The following AGBL4 variants were observed in gnomAD, a reference collection of about 807,000 sequenced individuals.
The protein encoded by AGBL4 is cytosolic carboxypeptidase 6.
In AGBL4, 58 loss-of-function variants were observed where a neutral mutation model predicts 66.4. The ratio of observed to expected loss-of-function variants is 0.87; its 90% CI spans 0.71 to 1.09. The LOEUF is 1.09. Ranked by LOEUF, AGBL4 falls within the 50% of genes least tolerant of loss-of-function variation. AGBL4 has a pLI of 0.00. For missense variants in AGBL4, 579 were observed against 631.0 expected, an observed-to-expected ratio of 0.92 and a Z score of 0.88; for synonymous variants, 234 against 222.9, an observed-to-expected ratio of 1.05 and a Z score of -0.44.
At chr1:48,628,974 G>A (rs1231972775) in intron 9 of AGBL4, among the ~76,000 whole-genome samples, 1 of 151,972 alleles carries the variant, frequency 6.6e-6, no homozygotes, top group Non-Finnish European at 1.5e-5. Flanking sequence ...TCCCGACTGG[G>A]ACTCTGCCCT....
intron 5 of AGBL4, among the ~76,000 whole-genome samples, chr1:48,951,782 G>T (rs1222544310): frequency 6.6e-6 from 1 of 152,164 alleles, no homozygotes; most frequent in Non-Finnish European, 1.5e-5. Context: ...AGCCTGAACT[G>T]ACTACAACAT....
chr1:49,857,989 A>G (rs1646475653), intron 1 of AGBL4, among the ~76,000 whole-genome samples: 1 of 152,136 alleles, frequency 6.6e-6, no homozygotes, highest in East Asian at 1.9e-4. Context: ...TCTCTAGAAT[A>G]TACAAAGAAC....
chr1:48,754,747 C>CA (rs1238956791), intron 6 of AGBL4, among the ~76,000 whole-genome samples: 2 of 152,090 alleles, frequency 1.3e-5, no homozygotes, highest in Non-Finnish European at 2.9e-5. Context: ...AGATCACAGA[C>CA]AAGGAAAGTT....
chr1:49,922,461 C>T (rs950078203), intron 1 of AGBL4, among the ~76,000 whole-genome samples: 10 of 152,036 alleles, frequency 6.6e-5, no homozygotes, highest in Non-Finnish European at 1.0e-4. Flanking sequence ...CCAGGGCAAT[C>T]GGGAGAGAGA....
chr1:48,990,068 GCC>G (rs1660489453), intron 5 of AGBL4, among the ~76,000 whole-genome samples: 2 of 152,202 alleles, frequency 1.3e-5, no homozygotes, highest in South Asian at 4.2e-4. Flanking sequence ...TTGGATATAA[GCC>G]ATTCTAGCGG....
chr1:49,454,111 A>C (rs986817354), intron 3 of AGBL4, among the ~76,000 whole-genome samples: 1 of 151,834 alleles, frequency 6.6e-6, no homozygotes, highest in African/African-American at 2.4e-5. Flanking sequence ...GAAATTCAGG[A>C]GATGGAATTT....
chr1:48,626,692 CA>C (rs1645508253), intron 9 of AGBL4, among the ~76,000 whole-genome samples: 1 of 151,670 alleles, frequency 6.6e-6, no homozygotes, highest in African/African-American at 2.4e-5. Flanking sequence ...GTGGTTCAGC[CA>C]CCCTGGCAGA....
At chr1:48,740,440 T>C (rs898859999) in intron 6 of AGBL4, among the ~76,000 whole-genome samples, 3 of 152,220 alleles carry the variant, frequency 2.0e-5, no homozygotes, top group African/African-American at 7.2e-5. Context: ...AATTTGATGG[T>C]CTTTGCAGCT....
chr1:49,031,677 G>A (rs1313967214), intron 5 of AGBL4, among the ~76,000 whole-genome samples: 1 of 152,094 alleles, frequency 6.6e-6, no homozygotes, highest in Non-Finnish European at 1.5e-5. Flanking sequence ...TTAGTCATAA[G>A]GGGGAAAAGG....
intron 1 of AGBL4, among the ~76,000 whole-genome samples, chr1:49,877,029 A>G (rs1647032131): frequency 6.6e-6 from 1 of 151,854 alleles, no homozygotes; most frequent in Non-Finnish European, 1.5e-5. Flanking sequence ...ACTTTGCTGA[A>G]GTTGATTATC....
chr1:49,640,922 T>C (rs1333203246), intron 3 of AGBL4, among the ~76,000 whole-genome samples: 3 of 152,136 alleles, frequency 2.0e-5, no homozygotes, highest in Non-Finnish European at 4.4e-5. Context: ...TTAAATTGTA[T>C]AGCATGACAT....
chr1:49,105,777 G>C (rs987926166), intron 4 of AGBL4, among the ~76,000 whole-genome samples: 1 of 152,088 alleles, frequency 6.6e-6, no homozygotes, highest in Non-Finnish European at 1.5e-5. Flanking sequence ...ATTAATCTGA[G>C]GATAAAATGT....
intron 3 of AGBL4, among the ~76,000 whole-genome samples, chr1:49,399,163 T>C (rs1322187259): frequency 6.6e-6 from 1 of 152,186 alleles, no homozygotes; most frequent in Non-Finnish European, 1.5e-5. Flanking sequence ...TTCATGTTGT[T>C]GCAAATTACA....
chr1:49,652,643 G>A (rs974548613), intron 3 of AGBL4, among the ~76,000 whole-genome samples: 1 of 152,150 alleles, frequency 6.6e-6, no homozygotes, highest in Non-Finnish European at 1.5e-5. Context: ...GTTTTCCCCT[G>A]CTGCCAGTGC....
At chr1:49,581,055 A>C (rs1644532671) in intron 3 of AGBL4, among the ~76,000 whole-genome samples, 1 of 151,918 alleles carries the variant, frequency 6.6e-6, no homozygotes, top group African/African-American at 2.4e-5. Context: ...TTTTTTCTTT[A>C]TATTTTGCCT....
chr1:49,742,108 A>G (rs1332473242), intron 2 of AGBL4, among the ~76,000 whole-genome samples: 1 of 152,186 alleles, frequency 6.6e-6, no homozygotes, highest in Non-Finnish European at 1.5e-5. Context: ...AGGAAGTCAA[A>G]TTATCCCTGT....
chr1:49,462,454 T>C (rs1317660633), intron 3 of AGBL4, among the ~76,000 whole-genome samples: 1 of 151,658 alleles, frequency 6.6e-6, no homozygotes, highest in Non-Finnish European at 1.5e-5. Context: ...TCCAGCAAGA[T>C]GAACCATCAG....
chr1:49,275,267 A>G (rs1644145370), intron 3 of AGBL4, among the ~76,000 whole-genome samples: 1 of 152,140 alleles, frequency 6.6e-6, no homozygotes, highest in South Asian at 2.1e-4. Flanking sequence ...AAGGTTCTAG[A>G]CCTGTGGAAA....
At chr1:49,631,456 G>A (rs775863733) in intron 3 of AGBL4, among the ~76,000 whole-genome samples, 14 of 152,216 alleles carry the variant, frequency 9.2e-5, no homozygotes, top group Non-Finnish European at 1.9e-4. Context: ...AGTCCTTGTA[G>A]ACATGTTTTT....
Sources: allele counts gnomAD v4.1 joint callset (sites outside exome capture counted in the v4.1 genomes callset), GRCh38; gene constraint gnomAD v4.1.1; transcripts MANE v1.5; gene names NCBI Gene and HGNC (gene_info 2026-07-23, HGNC 2026-07-21).